The following MLKL variants were observed in gnomAD, a reference collection of about 807,000 sequenced individuals.
MLKL encodes mixed lineage kinase domain like pseudokinase.
In MLKL, 55 loss-of-function variants were observed where a neutral mutation model predicts 56.5. The observed-to-expected ratio is 0.97, with a 90% confidence interval of 0.78 to 1.22. The LOEUF (loss-of-function observed/expected upper bound fraction) is 1.22, where lower values mean the gene tolerates loss of function less well. MLKL is among the 50% of genes most tolerant of loss of function. The pLI is 0.00. For missense variants in MLKL, 694 were observed against 573.9 expected, an observed-to-expected ratio of 1.21 and a Z score of -2.14; for synonymous variants, 251 against 208.3, an observed-to-expected ratio of 1.20 and a Z score of -1.76.
rs530390599 is a variant in MLKL, at chr16:74,683,125, G to A, written c.821-339C>T. Among the ~76,000 whole-genome samples, 14 of 151,890 alleles carry A rather than the reference G, an allele frequency of 9.2e-5. 1 individual carries two copies. The highest frequency in any genetic ancestry group is 5.3e-4 in the Admixed American group (8 of 15,234). On this transcript the variant is annotated intron_variant, in intron 5 of 10. Coordinates refer to ENST00000308807, the MANE Select transcript of MLKL (RefSeq NM_152649.4). ...GGAGTTTGAGATCAGCCTGGCCTAC[G>A]TGGTGAAACCATGTCTCTACTAAAA... is the stretch of plus-strand genomic sequence containing the variant.
chr16:74,683,710 G>A (rs538233095), intron 5 of MLKL, among the ~76,000 whole-genome samples: 9 of 152,030 alleles, frequency 5.9e-5, no homozygotes, highest in African/African-American at 9.6e-5. Context: ...TCACTCAACT[G>A]GATTCCCAAG....
Position 74,682,803 on chromosome 16 carries a change from A to T in MLKL, c.821-17T>A. Reference sequence around the variant, plus strand: ...GCGGAGTCACTGGTGGAAAGGAGCCAGACACTATGAGGACCCGCCCTACTT... The same window carrying T: ...GCGGAGTCACTGGTGGAAAGGAGCCTGACACTATGAGGACCCGCCCTACTT... On this transcript the variant is annotated splice_polypyrimidine_tract_variant and intron_variant, in intron 5 of 10. Transcript: ENST00000308807. The T allele has an allele frequency of 1.2e-6, 2 of 1,613,696 alleles. No individual in the cohort carries two copies. The highest frequency in any genetic ancestry group is 1.7e-6 in the Non-Finnish European group (2 of 1,179,816).
At chr16:74,696,609 A>G (rs2144565632) in intron 1 of MLKL, among the ~76,000 whole-genome samples, 1 of 152,020 alleles carries the variant, frequency 6.6e-6, no homozygotes, top group South Asian at 2.1e-4. Flanking sequence ...CAGCAAAGTG[A>G]GACCCTTTCT....
chr16:74,682,621 C>G, intron 6 of MLKL, 30 bp downstream of exon 6: 1 of 1,612,116 alleles, frequency 6.2e-7, no homozygotes, highest in South Asian at 1.1e-5. Flanking sequence ...CCCATCCAAC[C>G]CTTAGTGGCG....
In MLKL at chr16:74,695,593, A is replaced by C. The variant is rs879193407; in HGVS notation, c.165T>G (p.Ser55=). ...LQDQGKRSVP[S]EKLTTAMNRF... is the part of the protein sequence containing the mutation. The stretch of plus-strand genomic sequence containing the variant: ...GGTTCATGGCTGTGGTTAACTTCTC[A>C]GAGGGCACGCTCCTCTTTCCTTGGT... Residue 55 remains serine (S), a synonymous_variant, in exon 2 of 11, where the codon TCT becomes TCG. Transcript: ENST00000308807. The C allele has an allele frequency of 6.2e-7, 1 of 1,614,078 alleles. No individual in the cohort carries two copies. Among genetic ancestry groups the C allele is most frequent in the Non-Finnish European group, 8.5e-7 (1 of 1,180,052 alleles).
At chr16:74,674,529 C>T (rs898451463) in intron 10 of MLKL, among the ~76,000 whole-genome samples, 17 of 151,172 alleles carry the variant, frequency 1.1e-4, no homozygotes, top group African/African-American at 4.1e-4. Context: ...GTGATCTTGG[C>T]TCACTGCAAC....
At chr16:74,696,472 C>G (rs1460925965) in intron 1 of MLKL, among the ~76,000 whole-genome samples, 1 of 150,704 alleles carries the variant, frequency 6.6e-6, no homozygotes, top group Non-Finnish European at 1.5e-5. Context: ...AAAAATTGTT[C>G]AGTTTCTTCC....
At chr16:74,683,261 C>T (rs746819383) in intron 5 of MLKL, among the ~76,000 whole-genome samples, 40 of 149,606 alleles carry the variant, frequency 2.7e-4, no homozygotes, top group Non-Finnish European at 4.6e-4. Flanking sequence ...CCACTGCACT[C>T]CAGCCTGGGC....
chr16:74,691,641 G>C (rs570273581), intron 3 of MLKL, among the ~76,000 whole-genome samples, 178 bp from the exon 4 acceptor site: 5 of 152,278 alleles, frequency 3.3e-5, no homozygotes, highest in African/African-American at 7.2e-5. Context: ...GTGCCTCTGA[G>C]TGACCAGTAG....
At position 74,695,639 on chromosome 16, in the gene MLKL, T is replaced by C. The variant is rs1383353288; in HGVS notation, c.119A>G (p.Lys40Arg). Residue 40 changes from lysine (K) to arginine (R), a missense_variant, in exon 2 of 11, where the codon AAG (lysine) becomes AGG (arginine). Transcript: ENST00000308807. ...RLGHRVLGLI[K>R]PLEMLQDQGK... ...TTGGTCCTGGAGCATCTCCAGAGGC[T>C]TGATCAGGCCGAGGACGCGGTGGCC... The C allele has an allele frequency of 2.5e-6, 4 of 1,614,084 alleles. No homozygotes were observed. Among genetic ancestry groups the C allele is most frequent in the African/African-American group, 1.3e-5 (1 of 74,936 alleles).
chr16:74,697,867 A>G (rs940740471), intron 1 of MLKL, among the ~76,000 whole-genome samples: 1 of 152,142 alleles, frequency 6.6e-6, no homozygotes, highest in Non-Finnish European at 1.5e-5. Flanking sequence ...GGGAGGTTGC[A>G]TTCAAATAAT....
rs373638585 is a variant in MLKL at position 74,695,962 on chromosome 16, G to C, written c.-2-203C>G. Among the ~76,000 whole-genome samples the C allele has an allele frequency of 3.3e-5, 5 of 152,320 alleles. No homozygotes were observed. The South Asian group carries it at 6.2e-4, about 19-fold the overall frequency. ...ATAGAGTTGTAGCTGGGAAGAGCTG[G>C]TCCAGCCGGAACTACATCTCCCAGC... On this transcript the variant is annotated intron_variant, in intron 1 of 10. Transcript: ENST00000308807.
chr16:74,687,162 G>C (rs912079682), intron 4 of MLKL, among the ~76,000 whole-genome samples: 1 of 152,010 alleles, frequency 6.6e-6, no homozygotes, highest in Admixed American at 6.6e-5. Context: ...TTATAGTAGA[G>C]GCGGGGTTTC....
chr16:74,698,684 A>G (rs901499185), intron 1 of MLKL, among the ~76,000 whole-genome samples: 1 of 152,230 alleles, frequency 6.6e-6, no homozygotes, highest in African/African-American at 2.4e-5. Context: ...TCTAAGCTCC[A>G]GTTATCTTAC....
chr16:74,694,868 G>GTTTGTTTC (rs1280108289), intron 2 of MLKL, among the ~76,000 whole-genome samples: 1 of 152,030 alleles, frequency 6.6e-6, no homozygotes, highest in African/African-American at 2.4e-5. Context: ...TTGTTTGTTT[G>GTTTGTTTC]TTTGTTTGTT....
chr16:74,675,828 G>A (rs1206672152), intron 7 of MLKL, 64 bp from the exon 8 acceptor site: 1 of 1,533,134 alleles, frequency 6.5e-7, no homozygotes. Flanking sequence ...AAAGGGCAGG[G>A]ATTGTTGCTA....
chr16:74,699,886 G>A (rs1311365740), intron 1 of MLKL, among the ~76,000 whole-genome samples: 1 of 152,092 alleles, frequency 6.6e-6, no homozygotes, highest in Non-Finnish European at 1.5e-5. Context: ...AGGCTGCAGT[G>A]AGCTATGATT....
At chr16:74,694,737 G>A (rs1234943808) in intron 2 of MLKL, among the ~76,000 whole-genome samples, 1 of 152,120 alleles carries the variant, frequency 6.6e-6, no homozygotes, top group Non-Finnish European at 1.5e-5. Context: ...CCTCTAGCCC[G>A]TGCAACAGAG....
intron 6 of MLKL, among the ~76,000 whole-genome samples, chr16:74,681,252 C>G (rs1486540766): frequency 6.6e-6 from 1 of 151,886 alleles, no homozygotes; most frequent in East Asian, 2.0e-4. Context: ...TCTCCAACTC[C>G]TGACCTCAAG....
Sources: allele counts gnomAD v4.1 joint callset (sites outside exome capture counted in the v4.1 genomes callset), GRCh38; gene constraint gnomAD v4.1.1; transcripts MANE v1.5; gene names NCBI Gene and HGNC (gene_info 2026-07-23, HGNC 2026-07-21).